Variants in TAB2 observed in about 807,000 individuals in gnomAD.
The protein encoded by TAB2 is TGF-beta activated kinase 1 (MAP3K7) binding protein 2.
In TAB2, 3 loss-of-function variants were observed where a neutral mutation model predicts 65.0. That is an observed-to-expected ratio of 0.05 (90% CI 0.02 to 0.12). The LOEUF is 0.12. Among genes scored for constraint, TAB2 ranks in the 10% least tolerant of loss-of-function variants. TAB2 has a pLI of 1.00. For missense variants in TAB2, 623 were observed against 840.3 expected (o/e 0.74, Z 3.20); for synonymous variants, 298 against 285.1 (o/e 1.05, Z -0.46).
intron 1 of TAB2, among the ~76,000 whole-genome samples, chr6:149,349,410 A>G (rs1168492591): frequency 7.3e-6 from 1 of 137,534 alleles, no homozygotes; most frequent in Non-Finnish European, 1.6e-5. Context: ...ACAGAGTGAC[A>G]CTCCGTCTCA....
At chr6:149,380,831 T>C (rs1428654604) in intron 3 of TAB2, among the ~76,000 whole-genome samples, 1 of 152,248 alleles carries the variant, frequency 6.6e-6, no homozygotes, top group Non-Finnish European at 1.5e-5. Context: ...ATTTTACTGC[T>C]GAGTCTCTTA....
At chr6:149,386,928 A>G (rs1355064419) in intron 3 of TAB2, among the ~76,000 whole-genome samples, 2 of 152,172 alleles carry the variant, frequency 1.3e-5, no homozygotes, top group African/African-American at 4.8e-5. Context: ...AGAAATGCCT[A>G]TTCATATCCT....
At chr6:149,361,354 C>T (rs1583123899) in intron 1 of TAB2, among the ~76,000 whole-genome samples, 1 of 152,214 alleles carries the variant, frequency 6.6e-6, no homozygotes, top group African/African-American at 2.4e-5. Context: ...ACCATAGACA[C>T]TGCCAAGGTT....
intron 1 of TAB2, among the ~76,000 whole-genome samples, chr6:149,248,706 A>T (rs985587090): frequency 1.3e-5 from 2 of 152,210 alleles, no homozygotes; most frequent in Non-Finnish European, 2.9e-5. Flanking sequence ...AAGAGAAGTC[A>T]GGAATTTTCT....
At chr6:149,275,293 AAAGAAAG>A (rs765734955) in intron 1 of TAB2, among the ~76,000 whole-genome samples, 1,753 of 145,312 alleles carry the variant, frequency 0.012, 33 homozygotes, top group Middle Eastern at 0.026. Context: ...AGAAAGAAAG[AAAGAAAG>A]AGAAAAAAGA....
Position 149,332,662 on chromosome 6 carries a change from G to A in TAB2, c.-90+14647G>A, listed in dbSNP as rs113944060. On this transcript the variant is annotated intron_variant, in intron 1 of 6. Transcript: ENST00000637181. Reference sequence around the variant, plus strand: ...AGGGTTTGACACTTATTAAGTGCCCGAATGACTTTCTGTGGCAACATTTAT... The same window carrying A: ...AGGGTTTGACACTTATTAAGTGCCCAAATGACTTTCTGTGGCAACATTTAT... Among the ~76,000 whole-genome samples, 5 of 152,106 alleles carry A rather than the reference G, an allele frequency of 3.3e-5. No homozygotes were observed. In the South Asian group the frequency reaches 6.2e-4, roughly 19 times the overall value.
chr6:149,370,283 G>A (rs1231530685), intron 2 of TAB2, among the ~76,000 whole-genome samples, 184 bp downstream of exon 2: 1 of 152,204 alleles, frequency 6.6e-6, no homozygotes, highest in Admixed American at 6.5e-5. Context: ...CCCATCTGTA[G>A]TATGGATAAT....
intron 1 of TAB2, among the ~76,000 whole-genome samples, chr6:149,255,020 GGAA>G (rs1422481501): frequency 1.3e-5 from 2 of 152,206 alleles, no homozygotes; most frequent in Non-Finnish European, 2.9e-5. Context: ...TATTTTGCAT[GGAA>G]GAAGGACATG....
Position 149,397,782 on chromosome 6 carries a change from T to C in TAB2, c.1764+18T>C. Reference sequence around the variant, plus strand: ...TACCTTCCGTAAGTCTTTATGTAACTGTTGTGATCTCTGCTTGAACATGAG... The same window carrying C: ...TACCTTCCGTAAGTCTTTATGTAACCGTTGTGATCTCTGCTTGAACATGAG... On this transcript the variant is annotated intron_variant, in intron 4 of 6. Coordinates refer to ENST00000637181, the MANE Select transcript of TAB2 (RefSeq NM_001292034.3). The C allele has an allele frequency of 6.2e-7, 1 of 1,612,070 alleles. No individual in the cohort carries two copies. Among genetic ancestry groups the C allele is most frequent in the Non-Finnish European group, 8.5e-7 (1 of 1,179,856 alleles).
At chr6:149,317,459 G>A (rs900686948), upstream of TAB2, 12 of 172,626 alleles carry the variant, frequency 7.0e-5, no homozygotes, top group Non-Finnish European at 1.3e-4. The surrounding 1 kb of genome is among the most constrained non-coding windows in gnomAD (Gnocchi z 4.7). Flanking sequence ...CCGCCGTTCG[G>A]CTAGGGGAGG....
chr6:149,221,933 C>T (rs1047012728), intron 1 of TAB2, among the ~76,000 whole-genome samples: 2 of 152,116 alleles, frequency 1.3e-5, no homozygotes, highest in African/African-American at 2.4e-5. Context: ...TTTTATGTGT[C>T]GACTTGACTG....
intron 1 of TAB2, among the ~76,000 whole-genome samples, chr6:149,361,362 G>T (rs1780844415): frequency 1.3e-5 from 2 of 152,206 alleles, no homozygotes; most frequent in South Asian, 2.1e-4. Context: ...CACTGCCAAG[G>T]TTTAAGGTGG....
At chr6:149,328,946 G>A (rs553379296) in intron 1 of TAB2, among the ~76,000 whole-genome samples, 2 of 152,240 alleles carry the variant, frequency 1.3e-5, no homozygotes, top group East Asian at 3.9e-4. Context: ...GCTGCAGATA[G>A]GTCTTTTTAG....
intron 1 of TAB2, chr6:149,246,158 C>T (rs1256798107): frequency 6.6e-6 from 1 of 152,162 alleles, no homozygotes; most frequent in African/African-American, 2.4e-5. Flanking sequence ...ACCTCATGAT[C>T]CACCCGCCTT....
chr6:149,364,622 A>G (rs1397064081), intron 1 of TAB2, among the ~76,000 whole-genome samples: 1 of 151,354 alleles, frequency 6.6e-6, no homozygotes, highest in Non-Finnish European at 1.5e-5. Flanking sequence ...CCAGCATGGT[A>G]TCTCCTGCAT....
At chr6:149,231,809 G>A (rs557618793) in intron 1 of TAB2, among the ~76,000 whole-genome samples, 3 of 152,306 alleles carry the variant, frequency 2.0e-5, no homozygotes, top group Admixed American at 2.0e-4. Context: ...CAAACATCAG[G>A]GGAGCAGAGG....
At chr6:149,353,617 C>G (rs551813083) in intron 1 of TAB2, among the ~76,000 whole-genome samples, 1 of 152,242 alleles carries the variant, frequency 6.6e-6, no homozygotes, top group East Asian at 1.9e-4. Context: ...ATATTGTTGC[C>G]TTGACATTGT....
At chr6:149,335,879 T>C (rs1300377075) in intron 1 of TAB2, among the ~76,000 whole-genome samples, 14 of 152,134 alleles carry the variant, frequency 9.2e-5, no homozygotes, top group Non-Finnish European at 2.1e-4. Context: ...TTTTACAATA[T>C]ATTATGTATA....
chr6:149,240,213 C>T (rs1777573047), intron 1 of TAB2, among the ~76,000 whole-genome samples: 1 of 152,226 alleles, frequency 6.6e-6, no homozygotes, highest in Admixed American at 6.5e-5. Context: ...GTAATCTGAG[C>T]ATGGCAGGGC....
Sources: gnomAD v4.1 joint callset for allele counts (sites outside exome capture counted in the v4.1 genomes callset) on GRCh38, gnomAD v4.1.1 for gene constraint, Gnocchi (gnomAD v3.1) non-coding constraint, MANE v1.5 for transcripts, NCBI Gene and HGNC (gene_info 2026-07-23, HGNC 2026-07-21) for gene names.